The following FAM78B variants were observed in gnomAD, a reference collection of about 807,000 sequenced individuals.
FAM78B encodes protein FAM78B.
FAM78B carries 10 observed loss-of-function variants against 20.0 expected under a neutral mutation model. The observed-to-expected ratio is 0.50, with a 90% confidence interval of 0.31 to 0.85. The LOEUF (loss-of-function observed/expected upper bound fraction) is 0.85, where lower values mean the gene tolerates loss of function less well. Among genes scored for constraint, FAM78B ranks in the 40% least tolerant of loss-of-function variants. The probability of loss-of-function intolerance (pLI) is 0.05; values close to 1 mark genes in which losing one functional copy is unlikely to be tolerated. For synonymous variants in FAM78B, 135 were observed against 132.8 expected, an observed-to-expected ratio of 1.02 and a Z score of -0.12; for missense variants, 283 against 345.0, an observed-to-expected ratio of 0.82 and a Z score of 1.42.
chr1:166,139,349 C>T (rs1179971216), intron 1 of FAM78B, among the ~76,000 whole-genome samples: 2 of 152,180 alleles, frequency 1.3e-5, no homozygotes, highest in Non-Finnish European at 2.9e-5. Flanking sequence ...GTTTTACATG[C>T]AAGCAGACTC....
rs1651937420 is a variant in FAM78B at position 166,069,649 on chromosome 1, T to C, written c.*592A>G. 6.6e-6 allele frequency: 1 copy of C among 152,232 alleles called. No individual in the cohort carries two copies. The highest frequency in any genetic ancestry group is 1.5e-5 in the Non-Finnish European group (1 of 68,070). 9.4% of individuals were successfully genotyped at this position (152,232 alleles called of 1,614,324 possible). A position where few individuals can be genotyped will look rare whatever the true frequency, so the allele number is the denominator to read the frequency against. Reference sequence around the variant, plus strand: ...TTTCTCCCTCAGAAAGGAGCAAATATCAGTATTTGTCTAGTTTTCTAAGCA... The same window carrying C: ...TTTCTCCCTCAGAAAGGAGCAAATACCAGTATTTGTCTAGTTTTCTAAGCA... On this transcript the variant is annotated 3_prime_UTR_variant, in exon 2 of 2. Transcript: ENST00000354422.
chr1:166,152,839 A>C (rs965811135), intron 1 of FAM78B, among the ~76,000 whole-genome samples: 47 of 152,048 alleles, frequency 3.1e-4, no homozygotes, highest in African/African-American at 1.1e-3. Context: ...CACCACACCC[A>C]GCTAATTTTT....
intron 1 of FAM78B, among the ~76,000 whole-genome samples, chr1:166,121,098 G>A (rs763099943): frequency 3.3e-5 from 5 of 152,118 alleles, no homozygotes; most frequent in Non-Finnish European, 7.4e-5. Flanking sequence ...TTAAAAGCCC[G>A]CTTATCATAT....
intron 1 of FAM78B, among the ~76,000 whole-genome samples, chr1:166,144,614 G>A (rs115697475): frequency 8.5e-5 from 13 of 152,266 alleles, no homozygotes; most frequent in African/African-American, 3.1e-4. Flanking sequence ...GGGGGGCAGA[G>A]TGAGGTCCCC....
chr1:166,146,211 G>A (rs1655446883), intron 1 of FAM78B, among the ~76,000 whole-genome samples: 1 of 152,184 alleles, frequency 6.6e-6, no homozygotes, highest in South Asian at 2.1e-4. Flanking sequence ...GTCTCACAGT[G>A]CCACTGTCAT....
intron 1 of FAM78B, among the ~76,000 whole-genome samples, chr1:166,084,205 CCACACACA>C (rs374157991): frequency 4.4e-4 from 53 of 121,166 alleles, no homozygotes; most frequent in African/African-American, 1.2e-3. Flanking sequence ...GATGTAGAAA[CCACACACA>C]CACACACACA....
chr1:166,107,730 C>CGCTA (rs1451749681), intron 1 of FAM78B, among the ~76,000 whole-genome samples: 1 of 152,014 alleles, frequency 6.6e-6, no homozygotes, highest in African/African-American at 2.4e-5. Flanking sequence ...TGAACATAGA[C>CGCTA]GCTAAAATCC....
chr1:166,127,482 T>C (rs994449780), intron 1 of FAM78B, among the ~76,000 whole-genome samples: 1 of 152,154 alleles, frequency 6.6e-6, no homozygotes, highest in Admixed American at 6.5e-5. Context: ...ATCTGGTGCT[T>C]GAGGAGTCTC....
intron 1 of FAM78B, among the ~76,000 whole-genome samples, chr1:166,137,320 G>A (rs1655103844): frequency 6.6e-6 from 1 of 152,198 alleles, no homozygotes; most frequent in Admixed American, 6.5e-5. Flanking sequence ...GTCTGCCACA[G>A]GCATGCAAAG....
At chr1:166,121,586 G>C (rs1326495201) in intron 1 of FAM78B, among the ~76,000 whole-genome samples, 1 of 152,184 alleles carries the variant, frequency 6.6e-6, no homozygotes, top group African/African-American at 2.4e-5. Flanking sequence ...ATGGGTCCCA[G>C]GGCAAGGGGC....
rs143904794 is a variant in FAM78B at position 166,075,433 on chromosome 1, G to A, written c.264-4670C>T. Among the ~76,000 whole-genome samples, 4 of 152,350 alleles carry A rather than the reference G, an allele frequency of 2.6e-5. No homozygotes were observed. In the East Asian group the frequency reaches 7.7e-4, roughly 29 times the overall value. ...GGCAAGTATGGCTGATTGTGTGTGT[G>A]TGTGTAATCATTCACAGAAGTAACA... is the stretch of plus-strand genomic sequence containing the variant. On this transcript the variant is annotated intron_variant, in intron 1 of 1. Transcript: ENST00000354422.
chr1:166,117,171 G>A (rs1303305938), intron 1 of FAM78B, among the ~76,000 whole-genome samples: 2 of 152,028 alleles, frequency 1.3e-5, no homozygotes, highest in African/African-American at 4.8e-5. Flanking sequence ...TTAGTTTAAG[G>A]AGACATATGA....
intron 1 of FAM78B, among the ~76,000 whole-genome samples, chr1:166,131,215 C>T (rs1423608215): frequency 6.6e-6 from 1 of 152,014 alleles, no homozygotes; most frequent in Non-Finnish European, 1.5e-5. Context: ...TGGTCTGGAA[C>T]TCCTGACCCC....
intron 1 of FAM78B, among the ~76,000 whole-genome samples, chr1:166,111,882 C>G (rs1051063001): frequency 2.0e-5 from 3 of 152,212 alleles, no homozygotes; most frequent in African/African-American, 7.2e-5. Context: ...CTGTTCCATT[C>G]TTATTGCTCT....
At chr1:166,119,973 T>A (rs993048685) in intron 1 of FAM78B, among the ~76,000 whole-genome samples, 1 of 152,202 alleles carries the variant, frequency 6.6e-6, no homozygotes, top group South Asian at 2.1e-4. Context: ...TGTTTGGGGC[T>A]CAGCCTGTGG....
At chr1:166,110,882 T>C (rs1010738184) in intron 1 of FAM78B, among the ~76,000 whole-genome samples, 5 of 152,202 alleles carry the variant, frequency 3.3e-5, no homozygotes, top group African/African-American at 1.2e-4. Flanking sequence ...AGTGTGAGCA[T>C]ATATTGGCAC....
chr1:166,106,322 T>C (rs1163936718), intron 1 of FAM78B, among the ~76,000 whole-genome samples: 1 of 150,778 alleles, frequency 6.6e-6, no homozygotes, highest in African/African-American at 2.4e-5. Flanking sequence ...AACCTGCACA[T>C]TGTGCACATG....
At chr1:166,139,679 T>C (rs1460349649) in intron 1 of FAM78B, among the ~76,000 whole-genome samples, 5 of 152,086 alleles carry the variant, frequency 3.3e-5, no homozygotes, top group African/African-American at 7.2e-5. Flanking sequence ...CTCTAACACA[T>C]AGTTCTATAG....
At chr1:166,114,196 G>A (rs1389007002) in intron 1 of FAM78B, among the ~76,000 whole-genome samples, 1 of 152,190 alleles carries the variant, frequency 6.6e-6, no homozygotes, top group Non-Finnish European at 1.5e-5. Context: ...TTTTTGAGGT[G>A]CTAACACATG....
Sources: allele counts gnomAD v4.1 joint callset (sites outside exome capture counted in the v4.1 genomes callset), GRCh38; gene constraint gnomAD v4.1.1; transcripts MANE v1.5; gene names NCBI Gene and HGNC (gene_info 2026-07-23, HGNC 2026-07-21).